Variants in SHISA9 observed in about 807,000 individuals in gnomAD.
The protein encoded by SHISA9 is shisa family member 9, also known as protein shisa-9.
Under a neutral mutation model 38.0 loss-of-function variants are expected in SHISA9, and 13 were observed. The observed-to-expected ratio is 0.34, with a 90% CI of 0.22 to 0.54. The LOEUF (loss-of-function observed/expected upper bound fraction) is 0.54. SHISA9 is among the 20% of genes least tolerant of loss of function. The probability of loss-of-function intolerance (pLI) is 0.91; values close to 1 mark genes in which losing one functional copy is unlikely to be tolerated. For synonymous variants in SHISA9, 275 were observed against 242.0 expected (o/e 1.14, Z -1.27); for missense variants, 538 against 575.8 (o/e 0.93, Z 0.67).
At chr16:13,191,716 G>A (rs2050887357) in intron 2 of SHISA9, among the ~76,000 whole-genome samples, 1 of 152,206 alleles carries the variant, frequency 6.6e-6, no homozygotes, top group African/African-American at 2.4e-5. Context: ...CGTGCTGTCT[G>A]TGGAGAGAGA....
the SHISA9 span, among the ~76,000 whole-genome samples, chr16:13,389,029 TC>T: frequency 6.6e-6 from 1 of 152,118 alleles, no homozygotes; most frequent in African/African-American, 2.4e-5. Context: ...GTCATTAACA[TC>T]CCCCACCAGA....
At chr16:13,093,573 A>T (rs1284343818) in intron 2 of SHISA9, among the ~76,000 whole-genome samples, 1 of 152,102 alleles carries the variant, frequency 6.6e-6, no homozygotes, top group East Asian at 1.9e-4. Context: ...AGTGGGGCTG[A>T]TTATAAATCA....
intron 2 of SHISA9, among the ~76,000 whole-genome samples, chr16:13,031,465 T>C (rs1343106658): frequency 6.6e-6 from 1 of 152,180 alleles, no homozygotes; most frequent in Non-Finnish European, 1.5e-5. Context: ...AACCAGTAAC[T>C]GTGCAAAGGC....
chr16:13,067,631 A>C (rs183078707), intron 2 of SHISA9, among the ~76,000 whole-genome samples: 1 of 152,346 alleles, frequency 6.6e-6, no homozygotes, highest in East Asian at 1.9e-4. Flanking sequence ...GGGTGACAGA[A>C]TGAGACCCTG....
At chr16:12,964,587 C>G (rs1328814084) in intron 2 of SHISA9, among the ~76,000 whole-genome samples, 1 of 152,108 alleles carries the variant, frequency 6.6e-6, no homozygotes, top group Non-Finnish European at 1.5e-5. Context: ...ACAGCCCTGT[C>G]TGAAGTCTGA....
intron 2 of SHISA9, among the ~76,000 whole-genome samples, chr16:12,996,775 A>T (rs1475227865): frequency 1.3e-5 from 2 of 152,176 alleles, no homozygotes; most frequent in South Asian, 2.1e-4. Flanking sequence ...CAAACAGAAC[A>T]GCTTCCTCTA....
chr16:13,385,935 T>C, the SHISA9 span, among the ~76,000 whole-genome samples: 1 of 152,168 alleles, frequency 6.6e-6, no homozygotes. Flanking sequence ...ACTAATATCC[T>C]TGAAATGACA....
chr16:13,136,396 CTTTTTTTTTTTTTTTT>C (rs35122409), intron 2 of SHISA9, among the ~76,000 whole-genome samples: 8 of 68,092 alleles, frequency 1.2e-4, no homozygotes, highest in African/African-American at 5.0e-4. Context: ...CAGTTTCCTT[CTTTTTTTTTTTTTTTT>C]TTTTTTTTGG....
At chr16:13,188,576 G>C (rs1360785607) in intron 2 of SHISA9, among the ~76,000 whole-genome samples, 1 of 152,018 alleles carries the variant, frequency 6.6e-6, no homozygotes, top group African/African-American at 2.4e-5. Flanking sequence ...AATCAGCCAG[G>C]CATGCTGGTG....
intron 3 of SHISA9, among the ~76,000 whole-genome samples, chr16:13,209,882 C>T (rs1048183213): frequency 2.6e-5 from 4 of 152,172 alleles, no homozygotes; most frequent in African/African-American, 2.4e-5. Flanking sequence ...CGATGGATCA[C>T]GGGGTCAGGA....
At chr16:13,502,986 ACAAT>A in the SHISA9 span, among the ~76,000 whole-genome samples, 4 of 152,236 alleles carry the variant, frequency 2.6e-5, no homozygotes, top group African/African-American at 9.6e-5. Context: ...TAGTAATAAA[ACAAT>A]CAGAATATAG....
chr16:13,347,002 A>C, the SHISA9 span, among the ~76,000 whole-genome samples: 2 of 152,068 alleles, frequency 1.3e-5, no homozygotes, highest in Non-Finnish European at 2.9e-5. Context: ...TGGCATGTGG[A>C]TCTCTGGTTT....
the SHISA9 span, among the ~76,000 whole-genome samples, chr16:13,261,920 C>G: frequency 6.6e-6 from 1 of 152,198 alleles, no homozygotes; most frequent in African/African-American, 2.4e-5. Flanking sequence ...AGTTCTGTGG[C>G]TGAGGATATC....
At chr16:12,975,958 C>G (rs776958137) in intron 2 of SHISA9, among the ~76,000 whole-genome samples, 1 of 151,944 alleles carries the variant, frequency 6.6e-6, no homozygotes, top group South Asian at 2.1e-4. Flanking sequence ...TCTGATGACC[C>G]GGGGCATCCT....
the SHISA9 span, among the ~76,000 whole-genome samples, chr16:13,454,720 C>T: frequency 6.6e-5 from 10 of 152,096 alleles, no homozygotes; most frequent in Non-Finnish European, 1.2e-4. Flanking sequence ...AGGCTTTGGA[C>T]GTGGATCAAT....
chr16:12,970,696 G>C (rs2072069866), intron 2 of SHISA9, among the ~76,000 whole-genome samples: 1 of 149,450 alleles, frequency 6.7e-6, no homozygotes, highest in South Asian at 2.1e-4. Context: ...TGTTGTTGTT[G>C]TATTTTTAGT....
At chr16:13,367,657 G>GC in the SHISA9 span, among the ~76,000 whole-genome samples, 5 of 149,598 alleles carry the variant, frequency 3.3e-5, no homozygotes, top group Admixed American at 2.7e-4. Flanking sequence ...AGGATGCGGG[G>GC]GGGAATGAAG....
chr16:13,562,841 C>G, the SHISA9 span: 1 of 151,408 alleles, frequency 6.6e-6, no homozygotes, highest in Non-Finnish European at 1.5e-5. Flanking sequence ...GGCTTGGTTT[C>G]TTATTAATAT....
At chr16:13,389,245 C>G in the SHISA9 span, among the ~76,000 whole-genome samples, 1 of 152,218 alleles carries the variant, frequency 6.6e-6, no homozygotes, top group Non-Finnish European at 1.5e-5. Flanking sequence ...CTGCTATCCT[C>G]TGGCAACCCC....
Sources: allele counts gnomAD v4.1 joint callset (sites outside exome capture counted in the v4.1 genomes callset), GRCh38; gene constraint gnomAD v4.1.1; transcripts MANE v1.5; gene names NCBI Gene and HGNC (gene_info 2026-07-23, HGNC 2026-07-21).